Variants in TTC28 observed in about 807,000 individuals in gnomAD.
The protein encoded by TTC28 is tetratricopeptide repeat protein 28.
A neutral mutation model predicts 198.0 loss-of-function variants in TTC28; 61 were observed. The observed-to-expected ratio is 0.31, with a 90% CI of 0.25 to 0.38. The LOEUF (loss-of-function observed/expected upper bound fraction) is 0.38, where lower values mean the gene tolerates loss of function less well. TTC28 is among the 10% of genes least tolerant of loss of function. The pLI is 1.00. For missense variants in TTC28, 2,678 were observed against 3,164.0 expected, an observed-to-expected ratio of 0.85 and a Z score of 3.69; for synonymous variants, 1,171 against 1,297.8, an observed-to-expected ratio of 0.90 and a Z score of 2.10.
At chr22:28,229,327 A>C (rs1928620063) in intron 5 of TTC28, among the ~76,000 whole-genome samples, 1 of 152,220 alleles carries the variant, frequency 6.6e-6, no homozygotes, top group Admixed American at 6.5e-5. Flanking sequence ...AACCAAAAAA[A>C]TTAAGTGAAG....
At chr22:28,480,065 C>T (rs184077553) in intron 2 of TTC28, among the ~76,000 whole-genome samples, 2 of 152,290 alleles carry the variant, frequency 1.3e-5, no homozygotes, top group Non-Finnish European at 2.9e-5. Flanking sequence ...GAAGATGAGG[C>T]AAAGCCAAAT....
chr22:28,299,562 T>TG (rs1379002852), intron 3 of TTC28, among the ~76,000 whole-genome samples: 12 of 152,190 alleles, frequency 7.9e-5, no homozygotes, highest in African/African-American at 2.7e-4. Context: ...ACCCAGGAAT[T>TG]GCTAGAATAC....
At chr22:28,223,029 T>C (rs575902106) in intron 5 of TTC28, among the ~76,000 whole-genome samples, 30 of 152,334 alleles carry the variant, frequency 2.0e-4, no homozygotes, top group Admixed American at 6.5e-4. Context: ...TTGCTTAATA[T>C]GTCCTTAGAG....
intron 5 of TTC28, among the ~76,000 whole-genome samples, chr22:28,190,125 A>G (rs1231222536): frequency 1.3e-5 from 2 of 152,210 alleles, no homozygotes; most frequent in Non-Finnish European, 2.9e-5. Context: ...CAGAGATTCA[A>G]AGCCAAGCTG....
intron 2 of TTC28, among the ~76,000 whole-genome samples, chr22:28,554,806 G>T (rs2049760798): frequency 6.6e-6 from 1 of 152,172 alleles, no homozygotes; most frequent in African/African-American, 2.4e-5. Flanking sequence ...GGGAGGCGGA[G>T]GTTGCTGTGA....
chr22:28,339,829 T>C (rs1173913351), intron 2 of TTC28, among the ~76,000 whole-genome samples: 1 of 152,166 alleles, frequency 6.6e-6, no homozygotes, highest in East Asian at 1.9e-4. Flanking sequence ...CCCTGACCCC[T>C]TGTGCTTCCT....
At position 28,297,593 on chromosome 22, in the gene TTC28, T is replaced by C; in HGVS notation, c.789A>G (p.Val263=). 2 of 1,551,306 alleles carry C rather than the reference T, an allele frequency of 1.3e-6. No homozygotes were observed. Among genetic ancestry groups the C allele is most frequent in the Non-Finnish European group, 1.7e-6 (2 of 1,146,696 alleles). ...STGYMQQDLD[V]AKTLGDQTGE... The stretch of plus-strand genomic sequence containing the variant: ...GCATCACTCTACCTAAGGTCTTGGC[T>C]ACATCCAAGTCCTGCTGCATATATC... Residue 263 remains valine, a synonymous_variant, in exon 4 of 23, where the codon GTA becomes GTG. Coordinates refer to ENST00000397906, the MANE Select transcript of TTC28 (RefSeq NM_001145418.2).
intron 6 of TTC28, among the ~76,000 whole-genome samples, chr22:28,125,877 G>C (rs970811533): frequency 1.3e-5 from 2 of 152,162 alleles, no homozygotes; most frequent in East Asian, 1.9e-4. Context: ...ACAAAAGAAT[G>C]AGTTTTCTCT....
chr22:28,573,231 C>T (rs2050091340), intron 2 of TTC28, among the ~76,000 whole-genome samples: 2 of 151,436 alleles, frequency 1.3e-5, no homozygotes, highest in Admixed American at 6.6e-5. Flanking sequence ...CTGAGGTGGG[C>T]GGATCACAGG....
chr22:28,311,678 T>C (rs1297129445), intron 2 of TTC28, among the ~76,000 whole-genome samples: 1 of 152,140 alleles, frequency 6.6e-6, no homozygotes, highest in Non-Finnish European at 1.5e-5. Flanking sequence ...AATTATACTC[T>C]TTTAGTTATT....
chr22:28,035,670 C>T (rs1161718498), intron 12 of TTC28, among the ~76,000 whole-genome samples: 2 of 152,120 alleles, frequency 1.3e-5, no homozygotes, highest in Non-Finnish European at 2.9e-5. Flanking sequence ...AGCAAGAGTG[C>T]CAGAAAATGA....
At position 28,199,530 on chromosome 22, in the gene TTC28, C is replaced by CGTATAT. The variant is rs1555937410; in HGVS notation, c.934-35932_934-35931insATATAC. On this transcript the variant is annotated intron_variant, in intron 5 of 22. Coordinates refer to ENST00000397906, the MANE Select transcript of TTC28 (RefSeq NM_001145418.2). ...CTCTTCAAAAAAAGAAATACCTATA[C>CGTATAT]ATATATATATATATATATACACACA... Among the ~76,000 whole-genome samples the CGTATAT allele has an allele frequency of 1.7e-3, 243 of 138,966 alleles. 1 individual carries two copies. The highest frequency in any genetic ancestry group is 0.015 in the Middle Eastern group (4 of 272). The allele number at this position is 138,966 out of a possible 152,430, so 91.2% of individuals were successfully genotyped here. A position where few individuals can be genotyped will look rare whatever the true frequency, so the allele number is the denominator to read the frequency against.
intron 5 of TTC28, among the ~76,000 whole-genome samples, chr22:28,181,665 C>T (rs1175682873): frequency 6.6e-6 from 1 of 152,148 alleles, no homozygotes; most frequent in African/African-American, 2.4e-5. Context: ...AATGGTGAGG[C>T]TGATGAAAAC....
At chr22:28,437,846 AG>A (rs1295224904) in intron 2 of TTC28, among the ~76,000 whole-genome samples, 1 of 152,068 alleles carries the variant, frequency 6.6e-6, no homozygotes, top group East Asian at 1.9e-4. Flanking sequence ...GAAGGATTAG[AG>A]GGGGAAAAAA....
chr22:28,336,688 C>T lies in TTC28; in HGVS notation c.382-30045G>A, dbSNP rs571933402. On this transcript the variant is annotated intron_variant, in intron 2 of 22. Coordinates refer to ENST00000397906, the MANE Select transcript of TTC28 (RefSeq NM_001145418.2). ...TTTCTGTGGTATCGGTGGTGATATC[C>T]GCTTTATCATTTTTTATTGCATCTA... is the stretch of plus-strand genomic sequence containing the variant. 3.0e-3 allele frequency among the ~76,000 whole-genome samples: 453 copies of T among 151,548 alleles called. 2 individuals carry two copies. Among genetic ancestry groups the T allele is most frequent in the African/African-American group, 0.01 (416 of 41,340 alleles).
At chr22:28,252,955 C>T (rs1930631120) in intron 5 of TTC28, among the ~76,000 whole-genome samples, 1 of 152,156 alleles carries the variant, frequency 6.6e-6, no homozygotes, top group Admixed American at 6.6e-5. Context: ...ATTCACTCAA[C>T]TCAGTAGCTA....
intron 1 of TTC28, among the ~76,000 whole-genome samples, chr22:28,678,282 T>G (rs1190759986): frequency 6.6e-6 from 1 of 152,238 alleles, no homozygotes; most frequent in East Asian, 1.9e-4. Context: ...TGGCACAACC[T>G]TGGCTCACTG....
intron 1 of TTC28, among the ~76,000 whole-genome samples, chr22:28,678,399 G>A (rs2052036717): frequency 6.6e-6 from 1 of 152,096 alleles, no homozygotes; most frequent in African/African-American, 2.4e-5. Context: ...GGAGACGAAC[G>A]AGTCTCGCTA....
chr22:28,254,691 A>G (rs1243940299), intron 5 of TTC28, among the ~76,000 whole-genome samples: 1 of 152,192 alleles, frequency 6.6e-6, no homozygotes, highest in Non-Finnish European at 1.5e-5. Flanking sequence ...GCATGTTAAA[A>G]TCCCTAGGTG....
Sources: gnomAD v4.1 joint callset for allele counts (sites outside exome capture counted in the v4.1 genomes callset) on GRCh38, gnomAD v4.1.1 for gene constraint, MANE v1.5 for transcripts, NCBI Gene and HGNC (gene_info 2026-07-23, HGNC 2026-07-21) for gene names.